ZNF292: variants seen among roughly 807,000 people sequenced by gnomAD.
The protein encoded by ZNF292 is zinc finger protein 292.
ZNF292 carries 26 observed loss-of-function variants against 217.9 expected under a neutral mutation model. The ratio of observed to expected loss-of-function variants is 0.12; its 90% CI spans 0.09 to 0.17. The LOEUF is 0.17. Among genes scored for constraint, ZNF292 ranks in the 10% least tolerant of loss-of-function variants. ZNF292 has a pLI of 1.00. For missense variants in ZNF292, 2,904 were observed against 3,175.2 expected (o/e 0.91, Z 2.05); for synonymous variants, 1,257 against 1,124.1 (o/e 1.12, Z -2.37).
At chr6:87,189,139 A>G (rs1178246632) in intron 1 of ZNF292, among the ~76,000 whole-genome samples, 1 of 152,174 alleles carries the variant, frequency 6.6e-6, no homozygotes, top group African/African-American at 2.4e-5. Flanking sequence ...CGAGAGACAG[A>G]GGTTGCAGTG....
At chr6:87,240,811 A>G (rs1187955482) in intron 5 of ZNF292, among the ~76,000 whole-genome samples, 1 of 152,244 alleles carries the variant, frequency 6.6e-6, no homozygotes, top group Non-Finnish European at 1.5e-5. Flanking sequence ...ATTAAACCCG[A>G]ACAAGTAAAA....
At chr6:87,220,119 A>G (rs1164929086) in intron 4 of ZNF292, among the ~76,000 whole-genome samples, 1 of 151,310 alleles carries the variant, frequency 6.6e-6, no homozygotes, top group Non-Finnish European at 1.5e-5. Flanking sequence ...GACTGACCAC[A>G]CCCAGCCTAA....
At chr6:87,212,201 T>C (rs1407533812) in intron 1 of ZNF292, among the ~76,000 whole-genome samples, 1 of 152,202 alleles carries the variant, frequency 6.6e-6, no homozygotes, top group Non-Finnish European at 1.5e-5. Flanking sequence ...GGGTGAGATC[T>C]GAAAGGGTTC....
At position 87,213,397 on chromosome 6, in the gene ZNF292, C is replaced by T. The variant is rs140237704; in HGVS notation, c.169-2506C>T. The stretch of plus-strand genomic sequence containing the variant: ...GATGGAACAATGGTGAGACCACACC[C>T]GGACAGGGGAGGGGAAGGAGTTCTT... On this transcript the variant is annotated intron_variant, in intron 1 of 7. Transcript: ENST00000369577. 1.2e-3 allele frequency among the ~76,000 whole-genome samples: 177 copies of T among 152,256 alleles called. 2 individuals carry two copies. The highest frequency in any genetic ancestry group is 4.1e-3 in the African/African-American group (172 of 41,552).
At chr6:87,205,405 G>A (rs982132792) in intron 1 of ZNF292, among the ~76,000 whole-genome samples, 5 of 151,906 alleles carry the variant, frequency 3.3e-5, no homozygotes, top group Non-Finnish European at 7.4e-5. Flanking sequence ...AAAATTGTAT[G>A]ATAATTATTT....
At position 87,232,128 on chromosome 6, in the gene ZNF292, A is replaced by G. The variant is rs188055193; in HGVS notation, c.539-1197A>G. 2.0e-5 allele frequency among the ~76,000 whole-genome samples: 3 copies of G among 152,264 alleles called. No individual in the cohort carries two copies. The East Asian group carries it at 5.8e-4, about 29-fold the overall frequency. ...TGTAATGTAAAGAATAGAGGGTAGC[A>G]GGTGAAAAGGTCTAGACTTCAAGAA... On this transcript the variant is annotated intron_variant, in intron 4 of 7. Coordinates refer to ENST00000369577, the MANE Select transcript of ZNF292 (RefSeq NM_015021.3).
intron 5 of ZNF292, among the ~76,000 whole-genome samples, chr6:87,236,407 A>ATTTT (rs1562162753): frequency 7.6e-6 from 1 of 132,002 alleles, no homozygotes; most frequent in Non-Finnish European, 1.6e-5. Flanking sequence ...TTTTTTTTTA[A>ATTTT]AAAAGAAAAG....
rs977905240 is a variant in ZNF292, at chr6:87,255,474, C to A, written c.1845C>A (p.Ile615=). 5 of 1,613,352 alleles carry A rather than the reference C, an allele frequency of 3.1e-6. No individual in the cohort carries two copies. The highest frequency in any genetic ancestry group is 3.3e-5 in the Admixed American group (2 of 59,912). The change falls in exon 8 of 8, where the codon ATC becomes ATA. Residue 615 remains isoleucine (I), a synonymous_variant. Transcript: ENST00000369577. ...GAAGATTGGGAAGGCCTCCAAAGATCACAACTACCAATGAAAATCAGAAGA... is the reference window on the plus strand; with the variant it reads ...GAAGATTGGGAAGGCCTCCAAAGATAACAACTACCAATGAAAATCAGAAGA... ...PLRRLGRPPK[I]TTTNENQKTN...
chr6:87,160,468 T>A (rs1335984982), intron 1 of ZNF292, among the ~76,000 whole-genome samples: 1 of 147,870 alleles, frequency 6.8e-6, no homozygotes, highest in Non-Finnish European at 1.5e-5. Context: ...TGTGTATACA[T>A]ACGTACATGT....
intron 1 of ZNF292, among the ~76,000 whole-genome samples, chr6:87,190,724 T>G (rs1273134827): frequency 6.6e-6 from 1 of 152,170 alleles, no homozygotes; most frequent in Non-Finnish European, 1.5e-5. Context: ...TTTGCCCACC[T>G]CAGCCTCCCA....
chr6:87,206,185 A>G (rs73483771), intron 1 of ZNF292, among the ~76,000 whole-genome samples: 12,437 of 152,214 alleles, frequency 0.082, 862 homozygotes, highest in African/African-American at 0.19. Context: ...CTGTCCTACT[A>G]TCACTTCTGC....
At chr6:87,188,882 AAATG>A (rs2127781696) in intron 1 of ZNF292, among the ~76,000 whole-genome samples, 1 of 152,200 alleles carries the variant, frequency 6.6e-6, no homozygotes, top group African/African-American at 2.4e-5. Flanking sequence ...ATAGGTTTGA[AAATG>A]AACATAATAA....
At chr6:87,185,749 A>G (rs1043440264) in intron 1 of ZNF292, among the ~76,000 whole-genome samples, 5 of 152,224 alleles carry the variant, frequency 3.3e-5, no homozygotes, top group African/African-American at 1.2e-4. Context: ...GATTATAGGC[A>G]TGAGCCACCA....
intron 5 of ZNF292, among the ~76,000 whole-genome samples, chr6:87,238,267 A>G (rs1346807406): frequency 6.6e-6 from 1 of 152,034 alleles, no homozygotes; most frequent in Admixed American, 6.6e-5. Flanking sequence ...TGGGTGTATC[A>G]CCTGAGGTCA....
rs765962250 is a variant in ZNF292 at position 87,155,655 on chromosome 6, C to T, written c.64C>T (p.Leu22=). The change falls in exon 1 of 8, where the codon CTG becomes TTG. Residue 22 remains leucine (L), a synonymous_variant. Coordinates refer to ENST00000369577, the MANE Select transcript of ZNF292 (RefSeq NM_015021.3). Reference sequence around the variant, plus strand: ...CGGCGAAGGCGGCTGCGTCGCGGAGCTGCAGCGCCTGGGCGAGCGGCTCCA... The same window carrying T: ...CGGCGAAGGCGGCTGCGTCGCGGAGTTGCAGCGCCTGGGCGAGCGGCTCCA... The part of the protein sequence containing the change: ...SCGEGGCVAE[L]QRLGERLQEL... 19 of 1,583,276 alleles carry T rather than the reference C, an allele frequency of 1.2e-5. No individual in the cohort carries two copies. Among genetic ancestry groups the T allele is most frequent in the Admixed American group, 3.6e-5 (2 of 55,052 alleles).
chr6:87,241,500 C>T (rs1189503106), intron 5 of ZNF292, among the ~76,000 whole-genome samples: 1 of 147,040 alleles, frequency 6.8e-6, no homozygotes, highest in East Asian at 2.0e-4. Flanking sequence ...TGTCTCACTG[C>T]TGCCACCTCC....
At chr6:87,171,391 T>C (rs1771092352) in intron 1 of ZNF292, among the ~76,000 whole-genome samples, 1 of 151,812 alleles carries the variant, frequency 6.6e-6, no homozygotes, top group South Asian at 2.1e-4. Flanking sequence ...TGGTTTTTTG[T>C]TGGTTTTTTT....
intron 7 of ZNF292, among the ~76,000 whole-genome samples, chr6:87,250,024 AAAAAAAAAAAAAC>A (rs1183484013): frequency 5.2e-5 from 5 of 95,298 alleles, no homozygotes; most frequent in African/African-American, 9.3e-5. Context: ...GGTAACCCTT[AAAAAAAAAAAAAC>A]AAAAAAAAAA....
At chr6:87,232,598 A>T (rs760940681) in intron 4 of ZNF292, among the ~76,000 whole-genome samples, 1 of 152,150 alleles carries the variant, frequency 6.6e-6, no homozygotes, top group African/African-American at 2.4e-5. Flanking sequence ...TTATTTGTAG[A>T]TGACCAAACA....
Sources: allele counts gnomAD v4.1 joint callset (sites outside exome capture counted in the v4.1 genomes callset), GRCh38; gene constraint gnomAD v4.1.1; transcripts MANE v1.5; gene names NCBI Gene and HGNC (gene_info 2026-07-23, HGNC 2026-07-21).